The following COL14A1 variants were observed in gnomAD, a reference collection of about 807,000 sequenced individuals.
The protein encoded by COL14A1 is collagen type XIV alpha 1 chain, also known as collagen alpha-1(XIV) chain.
A neutral mutation model predicts 230.3 loss-of-function variants in COL14A1; 136 were observed. The observed-to-expected ratio is 0.59, with a 90% CI of 0.51 to 0.68. The LOEUF (loss-of-function observed/expected upper bound fraction) is 0.68. COL14A1 is among the 30% of genes least tolerant of loss of function. COL14A1 has a pLI of 0.00. For synonymous variants in COL14A1, 792 were observed against 784.1 expected (o/e 1.01, Z -0.17); for missense variants, 1,976 against 2,215.8 (o/e 0.89, Z 2.17).
At chr8:120,237,869 C>T (rs574764556) in intron 19 of COL14A1, among the ~76,000 whole-genome samples, 6 of 152,258 alleles carry the variant, frequency 3.9e-5, no homozygotes, top group South Asian at 2.1e-4. Context: ...CAGTCAGGCC[C>T]CTCTGCTGCA....
intron 35 of COL14A1, among the ~76,000 whole-genome samples, chr8:120,297,963 G>C (rs944013402): frequency 2.0e-5 from 3 of 151,892 alleles, no homozygotes; most frequent in Non-Finnish European, 2.9e-5. Flanking sequence ...TAACAACTCA[G>C]TAGCCATATA....
chr8:120,155,406 A>G (rs952686553), intron 2 of COL14A1, among the ~76,000 whole-genome samples: 1 of 152,226 alleles, frequency 6.6e-6, no homozygotes, highest in Non-Finnish European at 1.5e-5. Context: ...GAGATTTGGA[A>G]GCCAAATCTT....
chr8:120,328,840 G>T (rs1007973176), intron 40 of COL14A1, among the ~76,000 whole-genome samples: 1 of 152,156 alleles, frequency 6.6e-6, no homozygotes, highest in African/African-American at 2.4e-5. Flanking sequence ...CTGTGAAAAA[G>T]ATTCCCCTCA....
rs10689956 is a variant in COL14A1 at position 120,184,224 on chromosome 8, G to GATTTATTTATTT, written c.437-12530_437-12519dup. ...GTGGTGTGTGTGTGGGGGGGGAAGA[G>GATTTATTTATTT]ATTTATTTATTTATTTATTTATTTA... On this transcript the variant is annotated intron_variant, in intron 5 of 47. Transcript: ENST00000297848. Among the ~76,000 whole-genome samples, 1,004 of 135,586 alleles carry GATTTATTTATTT rather than the reference G, an allele frequency of 7.4e-3. 7 individuals carry two copies. The highest frequency in any genetic ancestry group is 0.029 in the East Asian group (135 of 4,606). The allele number at this position is 135,586 out of a possible 152,430, so 88.9% of individuals were successfully genotyped here.
intron 36 of COL14A1, 60 bp downstream of exon 36, chr8:120,300,878 T>G: frequency 7.6e-7 from 1 of 1,317,050 alleles, no homozygotes; most frequent in Non-Finnish European, 1.1e-6. Context: ...CTATCACTTG[T>G]GTGTCTAATA....
chr8:120,324,177 A>G (rs1821568926), intron 40 of COL14A1, among the ~76,000 whole-genome samples: 1 of 152,114 alleles, frequency 6.6e-6, no homozygotes, highest in Non-Finnish European at 1.5e-5. Flanking sequence ...TGTGACATGC[A>G]ATTTACCTGT....
At position 120,216,266 on chromosome 8, in the gene COL14A1, A is replaced by G. The variant is rs1415436572; in HGVS notation, c.1598-85A>G. 9.1e-6 allele frequency: 10 copies of G among 1,096,680 alleles called. No individual in the cohort carries two copies. The African/African-American group carries it at 1.4e-4, about 16-fold the overall frequency. The allele number at this position is 1,096,680 out of a possible 1,614,324, so 67.9% of individuals were successfully genotyped here. On this transcript the variant is annotated intron_variant, in intron 13 of 47. Coordinates refer to ENST00000297848, the MANE Select transcript of COL14A1 (RefSeq NM_021110.4). ...TCTAGGTGACACTTTTCATATGTAA[A>G]TAGTTTAGAAGTCAAAGATGCAATT...
chr8:120,188,028 C>G (rs554815178), intron 5 of COL14A1, among the ~76,000 whole-genome samples: 35 of 152,074 alleles, frequency 2.3e-4, no homozygotes, highest in African/African-American at 7.5e-4. Context: ...GTAATGGTAC[C>G]TGTTCCATAG....
Position 120,212,476 on chromosome 8 carries a change from T to C in COL14A1, c.1496T>C (p.Ile499Thr), listed in dbSNP as rs1297562434. ...AAAATTGGAGAGACCCACACAGATATTGAATTGAGTGGGTTGTTGCCCAAT... is the reference window on the plus strand; with the variant it reads ...AAAATTGGAGAGACCCACACAGATACTGAATTGAGTGGGTTGTTGCCCAAT... Reference protein sequence around the residue: ...EMKIGETHTDIELSGLLPNTE... With the variant: ...EMKIGETHTDTELSGLLPNTE... Residue 499 changes from isoleucine to threonine, a missense_variant, in exon 13 of 48, where the codon ATT (isoleucine) becomes ACT (threonine). Physicochemically the swap from Ile to Thr is moderately conservative, Grantham distance 89. Around this residue, in one of 3 missense-constraint regions of COL14A1, gnomAD observed 1,791 missense variants for 2,019.5 expected, o/e 0.89. Coordinates refer to ENST00000297848, the MANE Select transcript of COL14A1 (RefSeq NM_021110.4). 3 of 1,613,380 alleles carry C rather than the reference T, an allele frequency of 1.9e-6. No homozygotes were observed. The highest frequency in any genetic ancestry group is 1.1e-5 in the South Asian group (1 of 91,060).
At chr8:120,215,723 G>A (rs950858842) in intron 13 of COL14A1, among the ~76,000 whole-genome samples, 1 of 152,136 alleles carries the variant, frequency 6.6e-6, no homozygotes, top group African/African-American at 2.4e-5. Flanking sequence ...CTGGATAATG[G>A]ATTAGAAGTG....
intron 19 of COL14A1, 190 bp downstream of exon 19, chr8:120,231,808 C>T (rs919268034): frequency 3.5e-6 from 2 of 577,550 alleles, no homozygotes; most frequent in Admixed American, 3.5e-5. Context: ...CCAAAACTTG[C>T]TCCATGTACA....
At chr8:120,294,434 CTTTTTT>C (rs57256972) in intron 34 of COL14A1, among the ~76,000 whole-genome samples, 20 of 136,908 alleles carry the variant, frequency 1.5e-4, no homozygotes, top group African/African-American at 4.2e-4. Flanking sequence ...GTCTCTTCCT[CTTTTTT>C]TTTTTTTTTT....
intron 28 of COL14A1, among the ~76,000 whole-genome samples, chr8:120,278,968 C>G (rs1819944010): frequency 6.6e-6 from 1 of 151,878 alleles, no homozygotes; most frequent in African/African-American, 2.4e-5. Context: ...TACTATGCAG[C>G]CATAAAAAAG....
chr8:120,325,955 G>A (rs1821653965), intron 40 of COL14A1, among the ~76,000 whole-genome samples: 1 of 152,182 alleles, frequency 6.6e-6, no homozygotes, highest in Non-Finnish European at 1.5e-5. Flanking sequence ...TTTGATTATA[G>A]TTAAGCTGAA....
intron 5 of COL14A1, among the ~76,000 whole-genome samples, chr8:120,173,165 G>GT (rs1245524294): frequency 7.2e-5 from 11 of 152,072 alleles, no homozygotes; most frequent in African/African-American, 2.7e-4. Flanking sequence ...TCCCACATTT[G>GT]TTTTTCTTTT....
At chr8:120,238,641 GC>G (rs1818522919) in intron 19 of COL14A1, among the ~76,000 whole-genome samples, 1 of 152,150 alleles carries the variant, frequency 6.6e-6, no homozygotes, top group African/African-American at 2.4e-5. Flanking sequence ...GGCATTCCAG[GC>G]ATCATGGGGT....
At chr8:120,299,250 A>G (rs1432446010) in intron 35 of COL14A1, among the ~76,000 whole-genome samples, 1 of 152,048 alleles carries the variant, frequency 6.6e-6, no homozygotes, top group East Asian at 1.9e-4. Context: ...AAACCATATA[A>G]ATAAGACTTA....
intron 1 of COL14A1, among the ~76,000 whole-genome samples, chr8:120,136,792 C>T (rs1814723999): frequency 6.6e-6 from 1 of 151,484 alleles, no homozygotes; most frequent in African/African-American, 2.4e-5. Context: ...GGTGAAACCC[C>T]CATCTCTACC....
intron 33 of COL14A1, among the ~76,000 whole-genome samples, chr8:120,286,724 T>G (rs2129940090): frequency 6.6e-6 from 1 of 152,198 alleles, no homozygotes; most frequent in South Asian, 2.1e-4. Context: ...TTAGCCAGGA[T>G]GGTCTCGATC....
Sources: gnomAD v4.1 joint callset for allele counts (sites outside exome capture counted in the v4.1 genomes callset) on GRCh38, gnomAD v4.1.1 for gene constraint, gnomAD v4.1.1 regional missense constraint, MANE v1.5 for transcripts, NCBI Gene and HGNC (gene_info 2026-07-23, HGNC 2026-07-21) for gene names.